The following ESRP1 variants were observed in gnomAD, a reference collection of about 807,000 sequenced individuals.
The protein encoded by ESRP1 is RNA-binding motif protein 35A.
A neutral mutation model predicts 81.7 loss-of-function variants in ESRP1; 33 were observed. The observed-to-expected ratio is 0.40, with a 90% confidence interval of 0.31 to 0.54. The LOEUF is 0.54. Ranked by LOEUF, ESRP1 falls within the 20% of genes least tolerant of loss-of-function variation. ESRP1 has a pLI of 0.41. For missense variants in ESRP1, 672 were observed against 833.1 expected (o/e 0.81, Z 2.38); for synonymous variants, 320 against 303.3 (o/e 1.06, Z -0.57).
At chr8:94,658,431 G>A (rs1206589410) in intron 4 of ESRP1, among the ~76,000 whole-genome samples, 1 of 152,184 alleles carries the variant, frequency 6.6e-6, no homozygotes, top group African/African-American at 2.4e-5. Flanking sequence ...TACAACAGTC[G>A]AGAAAATAGC....
chr8:94,680,913 TA>T (rs1291065697), intron 13 of ESRP1, among the ~76,000 whole-genome samples: 4 of 151,350 alleles, frequency 2.6e-5, no homozygotes, highest in Admixed American at 6.6e-5. Context: ...TTTCTTCCAT[TA>T]AAAAAAAGCC....
chr8:94,703,937 G>C (rs7016360), intron 15 of ESRP1, among the ~76,000 whole-genome samples: 105,429 of 152,046 alleles, frequency 0.69, 38,005 homozygotes, highest in African/African-American at 0.91. Context: ...GATCAATAGT[G>C]TTGGGTCATT....
chr8:94,685,373 G>A (rs768721106), intron 13 of ESRP1, among the ~76,000 whole-genome samples: 5 of 152,082 alleles, frequency 3.3e-5, no homozygotes, highest in Non-Finnish European at 7.4e-5. Context: ...AGAAATTTGT[G>A]GATAGTCCAA....
At chr8:94,667,603 T>G (rs1819095963) in intron 9 of ESRP1, among the ~76,000 whole-genome samples, 1 of 152,026 alleles carries the variant, frequency 6.6e-6, no homozygotes, top group Admixed American at 6.6e-5. Context: ...AGGCACGGAG[T>G]TGAACTTGAC....
chr8:94,681,800 G>A (rs1026664861), intron 13 of ESRP1, among the ~76,000 whole-genome samples: 1 of 152,126 alleles, frequency 6.6e-6, no homozygotes, highest in Non-Finnish European at 1.5e-5. Context: ...AGGGCATGGT[G>A]GTGGGCACCT....
At chr8:94,680,189 T>C (rs1031788242) in intron 13 of ESRP1, among the ~76,000 whole-genome samples, 2 of 152,102 alleles carry the variant, frequency 1.3e-5, no homozygotes, top group African/African-American at 4.8e-5. Flanking sequence ...GTAAGACAGT[T>C]TTACAGAAGT....
chr8:94,681,221 G>A (rs1563539546), intron 13 of ESRP1, among the ~76,000 whole-genome samples: 2 of 151,008 alleles, frequency 1.3e-5, no homozygotes, highest in Admixed American at 6.6e-5. Context: ...AGCTACTTGG[G>A]AGGCTGAGGC....
intron 14 of ESRP1, among the ~76,000 whole-genome samples, chr8:94,695,130 G>C (rs1809546159): frequency 6.6e-6 from 1 of 151,868 alleles, no homozygotes; most frequent in South Asian, 2.1e-4. Context: ...CTTTAGATTT[G>C]GCAACCAAGA....
intron 4 of ESRP1, among the ~76,000 whole-genome samples, chr8:94,648,233 G>T (rs1484241162): frequency 6.6e-6 from 1 of 152,054 alleles, no homozygotes; most frequent in Non-Finnish European, 1.5e-5. Context: ...CTCCAGCCTG[G>T]GTAACAGAGC....
At position 94,641,236 on chromosome 8, in the gene ESRP1, G is replaced by A. The variant is rs1347558162; in HGVS notation, c.-83G>A. On this transcript the variant is annotated 5_prime_UTR_variant, in exon 1 of 16. Coordinates refer to ENST00000433389, the MANE Select transcript of ESRP1 (RefSeq NM_017697.4). ...CTCTTTCTTTTTCTCTTAGAAGAGG[G>A]TTTAGCACAGGTTTTTTCGTTCTCA... The A allele has an allele frequency of 1.5e-6, 2 of 1,374,008 alleles. No homozygotes were observed. Among genetic ancestry groups the A allele is most frequent in the African/African-American group, 1.4e-5 (1 of 69,234 alleles). The allele number at this position is 1,374,008 out of a possible 1,614,324, so 85.1% of individuals were successfully genotyped here.
At chr8:94,649,065 A>G (rs1485855327) in intron 4 of ESRP1, among the ~76,000 whole-genome samples, 1 of 152,356 alleles carries the variant, frequency 6.6e-6, no homozygotes, top group East Asian at 1.9e-4. Context: ...TGCTAAAAAT[A>G]GAAAAATTAG....
chr8:94,699,961 C>T (rs1026612047), intron 15 of ESRP1, among the ~76,000 whole-genome samples: 23 of 152,116 alleles, frequency 1.5e-4, no homozygotes, highest in Non-Finnish European at 2.9e-4. Context: ...CCGAGTGGCT[C>T]ATGTTCTTAT....
chr8:94,695,105 A>G (rs1809544642), intron 14 of ESRP1, among the ~76,000 whole-genome samples: 1 of 152,078 alleles, frequency 6.6e-6, no homozygotes, highest in Non-Finnish European at 1.5e-5. Context: ...TGAATTCACT[A>G]TGGGGTTCCA....
intron 15 of ESRP1, among the ~76,000 whole-genome samples, chr8:94,697,620 C>T (rs1809656386): frequency 6.6e-6 from 1 of 152,108 alleles, no homozygotes. Flanking sequence ...TAATTGTTTG[C>T]ACTTTCTGGC....
In ESRP1 at chr8:94,678,418, C is replaced by T. The variant is rs769103012; in HGVS notation, c.1820+47C>T. On this transcript the variant is annotated intron_variant, in intron 13 of 15. Transcript: ENST00000433389. ...AAATGAGGGGCAGAAACAAAGGACT[C>T]CTTTGATAGCCAGTGCAAGAGCTCA... 5 of 1,585,102 alleles carry T rather than the reference C, an allele frequency of 3.2e-6. No homozygotes were observed. In the East Asian group the frequency reaches 6.7e-5, roughly 21 times the overall value.
At chr8:94,666,785 GGGTTGC>G (rs907705106) in intron 9 of ESRP1, among the ~76,000 whole-genome samples, 1 of 146,544 alleles carries the variant, frequency 6.8e-6, no homozygotes, top group Non-Finnish European at 1.6e-5. Context: ...AATATATTTG[GGGTTGC>G]TGTGGTTTTA....
rs1819327441 is a variant in ESRP1 at position 94,671,567 on chromosome 8, C to T, written c.1348C>T (p.Arg450Ter). The T allele has an allele frequency of 1.9e-6, 3 of 1,613,932 alleles. No individual in the cohort carries two copies. The highest frequency in any genetic ancestry group is 2.5e-6 in the Non-Finnish European group (3 of 1,179,874). ...PTNVRDCIRL[R>*]GLPYAATIED... ...AAATGTTAGAGACTGTATACGCCTT[C>T]GAGGTCTTCCCTATGCAGCCACAAT... Residue 450 changes from arginine (R) to a stop codon, truncating the protein, a stop_gained, in exon 11 of 16, where the codon CGA becomes TGA. Transcript: ENST00000433389. LOFTEE classifies it high-confidence loss of function.
intron 4 of ESRP1, among the ~76,000 whole-genome samples, chr8:94,661,912 C>T (rs887097728): frequency 2.0e-5 from 3 of 152,274 alleles, no homozygotes. Flanking sequence ...ATGAAGTCGG[C>T]ATGGTCATTG....
intron 13 of ESRP1, among the ~76,000 whole-genome samples, chr8:94,683,439 G>C (rs1809006389): frequency 6.6e-6 from 1 of 152,044 alleles, no homozygotes; most frequent in East Asian, 1.9e-4. Context: ...AATTTGTATT[G>C]AGATTCACAT....
Sources: allele counts gnomAD v4.1 joint callset (sites outside exome capture counted in the v4.1 genomes callset), GRCh38; gene constraint gnomAD v4.1.1; transcripts MANE v1.5; gene names NCBI Gene and HGNC (gene_info 2026-07-23, HGNC 2026-07-21).